The following OPCML variants were observed in gnomAD, a reference collection of about 807,000 sequenced individuals.
The protein encoded by OPCML is opioid binding protein/cell adhesion molecule like, also known as opioid-binding protein/cell adhesion molecule.
Under a neutral mutation model 37.8 loss-of-function variants are expected in OPCML, and 13 were observed. The observed-to-expected ratio is 0.34, with a 90% CI of 0.22 to 0.55. The LOEUF (loss-of-function observed/expected upper bound fraction) is 0.55. OPCML is among the 20% of genes least tolerant of loss of function. The pLI, the probability that OPCML is intolerant of heterozygous loss-of-function variation, is 0.91. For missense variants in OPCML, 341 were observed against 435.6 expected (o/e 0.78, Z 1.93); for synonymous variants, 176 against 168.8 (o/e 1.04, Z -0.33).
At chr11:132,552,763 C>CTTTTTTTTTTTTTTTTTGTTTTTTTT (rs562056846) in intron 3 of OPCML, among the ~76,000 whole-genome samples, 1 of 92,802 alleles carries the variant, frequency 1.1e-5, no homozygotes, top group Non-Finnish European at 2.0e-5. Context: ...AAACACTACT[C>CTTTTTTTTTTTTTTTTTGTTTTTTTT]TTTTTTTTTT....
At chr11:133,189,055 A>G (rs374503792) in intron 1 of OPCML, among the ~76,000 whole-genome samples, 9 of 152,080 alleles carry the variant, frequency 5.9e-5, no homozygotes, top group East Asian at 5.8e-4. Flanking sequence ...GGCAAAAAAT[A>G]TCTTCCCCAT....
At chr11:133,014,289 TATGAA>T (rs1338802092) in intron 1 of OPCML, among the ~76,000 whole-genome samples, 2 of 152,156 alleles carry the variant, frequency 1.3e-5, no homozygotes, top group African/African-American at 4.8e-5. Context: ...CTCGTGTGCA[TATGAA>T]ATGCACATGT....
intron 1 of OPCML, among the ~76,000 whole-genome samples, chr11:133,320,483 T>C (rs1363599722): frequency 6.6e-6 from 1 of 152,148 alleles, no homozygotes; most frequent in Admixed American, 6.5e-5. Flanking sequence ...GAGGTTCTTG[T>C]TGTAATTAAA....
intron 1 of OPCML, among the ~76,000 whole-genome samples, chr11:133,199,797 G>T (rs1938692024): frequency 1.3e-5 from 2 of 152,074 alleles, no homozygotes; most frequent in East Asian, 3.9e-4. Context: ...TGGAAAGAAA[G>T]GAAAATTATC....
At chr11:133,002,742 TAGA>T (rs1947030461) in intron 1 of OPCML, among the ~76,000 whole-genome samples, 1 of 138,000 alleles carries the variant, frequency 7.2e-6, no homozygotes. Flanking sequence ...GAAGGAGAAG[TAGA>T]AGGAGGAAAG....
chr11:133,187,934 TC>T (rs1170650877), intron 1 of OPCML, among the ~76,000 whole-genome samples: 5 of 151,986 alleles, frequency 3.3e-5, no homozygotes, highest in African/African-American at 1.2e-4. Flanking sequence ...CATGGTGGAG[TC>T]AGAACACAGT....
chr11:133,435,501 G>A (rs1294177862), intron 1 of OPCML, among the ~76,000 whole-genome samples: 1 of 152,174 alleles, frequency 6.6e-6, no homozygotes, highest in South Asian at 2.1e-4. Context: ...GGAGATAACT[G>A]AGGAATATAG....
rs554674638 is a variant in OPCML, at chr11:133,192,225, A to G, written c.62-249215T>C. ...GGTCAGAGAGTTTTTGATCTTCTGA[A>G]GCCAGAGTCAATAATACTAATATCT... On this transcript the variant is annotated intron_variant, in intron 1 of 7. Transcript: ENST00000524381. Among the ~76,000 whole-genome samples the G allele has an allele frequency of 2.6e-5, 4 of 152,316 alleles. No homozygotes were observed. The East Asian group carries it at 7.7e-4, about 29-fold the overall frequency.
intron 1 of OPCML, among the ~76,000 whole-genome samples, chr11:133,286,648 GTGATT>G (rs1437657377): frequency 2.6e-5 from 4 of 152,160 alleles, no homozygotes; most frequent in African/African-American, 9.7e-5. Flanking sequence ...TATTCGTGGT[GTGATT>G]TACTTGCTGG....
chr11:132,651,357 T>C (rs929845161), intron 3 of OPCML, among the ~76,000 whole-genome samples: 3 of 152,218 alleles, frequency 2.0e-5, no homozygotes, highest in Non-Finnish European at 4.4e-5. Flanking sequence ...TATTCTGTCA[T>C]GTGGGGCTTT....
At chr11:133,029,529 C>T (rs757328958) in intron 1 of OPCML, among the ~76,000 whole-genome samples, 18 of 152,080 alleles carry the variant, frequency 1.2e-4, no homozygotes, top group Non-Finnish European at 1.9e-4. Flanking sequence ...CCATGAAATA[C>T]GACACAGCCA....
intron 2 of OPCML, among the ~76,000 whole-genome samples, chr11:132,697,259 A>G (rs1943632445): frequency 6.6e-6 from 1 of 152,208 alleles, no homozygotes; most frequent in Non-Finnish European, 1.5e-5. Context: ...ATCACCTCAC[A>G]TAATTACCTT....
intron 4 of OPCML, among the ~76,000 whole-genome samples, chr11:132,478,441 C>T (rs2096165114): frequency 1.3e-5 from 2 of 152,096 alleles, no homozygotes; most frequent in African/African-American, 2.4e-5. Flanking sequence ...AACAGGAAGA[C>T]AAGTGAAGAG....
At chr11:133,293,452 G>T (rs1942537985) in intron 1 of OPCML, among the ~76,000 whole-genome samples, 2 of 152,168 alleles carry the variant, frequency 1.3e-5, no homozygotes, top group Admixed American at 1.3e-4. Flanking sequence ...CTGAGTATAT[G>T]CCTGATAGGT....
chr11:133,505,759 A>G (rs1948016427), intron 1 of OPCML, among the ~76,000 whole-genome samples: 1 of 152,244 alleles, frequency 6.6e-6, no homozygotes, highest in South Asian at 2.1e-4. Flanking sequence ...TAGAAAGAGG[A>G]CATGAATTAT....
chr11:132,987,345 T>C (rs552357515), intron 1 of OPCML, among the ~76,000 whole-genome samples: 2 of 152,220 alleles, frequency 1.3e-5, no homozygotes, highest in South Asian at 4.1e-4. Context: ...GAAGCTTTCA[T>C]GTAGATGTAA....
chr11:132,531,573 G>A (rs550600777), intron 3 of OPCML, among the ~76,000 whole-genome samples: 7 of 152,184 alleles, frequency 4.6e-5, no homozygotes, highest in East Asian at 1.9e-4. Flanking sequence ...GAGCTCTTAA[G>A]GGAATCTACA....
At chr11:132,778,714 T>A (rs1946889239) in intron 2 of OPCML, among the ~76,000 whole-genome samples, 1 of 152,080 alleles carries the variant, frequency 6.6e-6, no homozygotes, top group South Asian at 2.1e-4. Context: ...GCCTTTGAGG[T>A]CATCCAGTTC....
intron 2 of OPCML, among the ~76,000 whole-genome samples, chr11:132,807,982 G>A (rs1310982312): frequency 3.3e-5 from 5 of 152,162 alleles, no homozygotes; most frequent in Non-Finnish European, 7.3e-5. Context: ...ATGAGTAAAT[G>A]TAGATCTTTC....
Sources: gnomAD v4.1 joint callset for allele counts (sites outside exome capture counted in the v4.1 genomes callset) on GRCh38, gnomAD v4.1.1 for gene constraint, MANE v1.5 for transcripts, NCBI Gene and HGNC (gene_info 2026-07-23, HGNC 2026-07-21) for gene names.